Variants in PHACTR2 observed in about 807,000 individuals in gnomAD.
PHACTR2 encodes the protein chromosome 6 open reading frame 56.
PHACTR2 carries 30 observed loss-of-function variants against 76.0 expected under a neutral mutation model. The observed-to-expected ratio is 0.39, with a 90% confidence interval of 0.30 to 0.54. PHACTR2 has a LOEUF of 0.54. PHACTR2 is among the 20% of genes least tolerant of loss of function. The pLI is 0.61. For synonymous variants in PHACTR2, 292 were observed against 292.5 expected, an observed-to-expected ratio of 1.00 and a Z score of 0.02; for missense variants, 696 against 781.1, an observed-to-expected ratio of 0.89 and a Z score of 1.30.
chr6:143,764,880 C>A lies in PHACTR2; in HGVS notation c.695-381C>A, dbSNP rs942282672. ...TGATGAGCCTAATTGTGTGCTACAC[C>A]CAGCTAGCTGCTGATGTCTGTCCTT... On this transcript the variant is annotated intron_variant, in intron 5 of 12. Coordinates refer to ENST00000440869, the MANE Select transcript of PHACTR2 (RefSeq NM_001100164.2). This position sits in a 1 kb window ranked among gnomAD's most constrained non-coding sequence, Gnocchi z 4.7. Among the ~76,000 whole-genome samples, 2 of 152,122 alleles carry A rather than the reference C, an allele frequency of 1.3e-5. No homozygotes were observed. Among genetic ancestry groups the A allele is most frequent in the African/African-American group, 4.8e-5 (2 of 41,414 alleles).
In PHACTR2 at chr6:143,742,763, T is replaced by C. The variant is rs183280804; in HGVS notation, c.215-6222T>C. Among the ~76,000 whole-genome samples the C allele has an allele frequency of 2.0e-5, 3 of 152,270 alleles. No homozygotes were observed. Among genetic ancestry groups the C allele is most frequent in the African/African-American group, 7.2e-5 (3 of 41,552 alleles). The stretch of plus-strand genomic sequence containing the variant: ...AGACACTTAGGTCCCCAATATCTAC[T>C]CTGTGCGATATATTATTTTGGGCAT... On this transcript the variant is annotated intron_variant, in intron 2 of 12. Transcript: ENST00000440869. The surrounding 1 kb of genome is among the most constrained non-coding windows in gnomAD (Gnocchi z 4.5).
At chr6:143,676,642 G>A, upstream of PHACTR2, among the ~76,000 whole-genome samples, 1 of 152,026 alleles carries the variant, frequency 6.6e-6, no homozygotes, top group East Asian at 1.9e-4. This position sits in a 1 kb window ranked among gnomAD's most constrained non-coding sequence, Gnocchi z 4.8. Context: ...CAGGTGGGAT[G>A]TGTTTCCAAA....
chr6:143,550,752 A>C lies in PHACTR2; in HGVS notation c.217+13545A>C, dbSNP rs1445831055. Reference sequence around the variant, plus strand: ...CAACAACAAAAACAAACAAACAAAGATTAGGGGCGAGTGCGGTGGCTCACG... The same window carrying C: ...CAACAACAAAAACAAACAAACAAAGCTTAGGGGCGAGTGCGGTGGCTCACG... On this transcript the variant is annotated intron_variant, in intron 1 of 11. Transcript: ENST00000367584. This position sits in a 1 kb window ranked among gnomAD's most constrained non-coding sequence, Gnocchi z 4.8. Among the ~76,000 whole-genome samples, 1 of 151,996 alleles carries C rather than the reference A, an allele frequency of 6.6e-6. No individual in the cohort carries two copies. The highest frequency in any genetic ancestry group is 2.4e-5 in the African/African-American group (1 of 41,392).
chr6:143,721,004 G>T (rs1778430463), intron 2 of PHACTR2, among the ~76,000 whole-genome samples: 1 of 152,172 alleles, frequency 6.6e-6, no homozygotes. Context: ...GAGGAGCAGG[G>T]TTTAACTCTA....
intron 6 of PHACTR2, among the ~76,000 whole-genome samples, chr6:143,771,220 A>ATATATATATATG (rs1775126038): frequency 9.8e-6 from 1 of 101,530 alleles, no homozygotes; most frequent in African/African-American, 4.4e-5. Flanking sequence ...ATATATATAT[A>ATATATATATATG]TATATATATA....
chr6:143,589,225 G>A lies in PHACTR2; in HGVS notation c.217+52018G>A, dbSNP rs565948681. On this transcript the variant is annotated intron_variant, in intron 1 of 11. Transcript: ENST00000367584. The surrounding 1 kb of genome is among the most constrained non-coding windows in gnomAD (Gnocchi z 4.4). ...TCCCACCCAAATCTCATGTCCAGTT[G>A]TAATCTCCAGTGTTGGAGGAGGGGT... 1.3e-5 allele frequency among the ~76,000 whole-genome samples: 2 copies of A among 152,198 alleles called. No individual in the cohort carries two copies. Among genetic ancestry groups the A allele is most frequent in the African/African-American group, 4.8e-5 (2 of 41,446 alleles).
Position 143,772,222 on chromosome 6 carries a change from C to T in PHACTR2, c.1233-36C>T. ...CAGTGCCGCCAAGGGTTGCTCTGAG[C>T]TTCACATCACTCCCATGCTTTTCTG... On this transcript the variant is annotated intron_variant, in intron 6 of 12. Transcript: ENST00000440869. The surrounding 1 kb of genome is among the most constrained non-coding windows in gnomAD (Gnocchi z 5.4). 1 of 1,512,708 alleles carries T rather than the reference C, an allele frequency of 6.6e-7. No homozygotes were observed. The highest frequency in any genetic ancestry group is 9.2e-7 in the Non-Finnish European group (1 of 1,088,054). 93.7% of individuals were successfully genotyped at this position (1,512,708 alleles called of 1,614,324 possible).
chr6:143,555,568 C>G (rs1340787429), intron 1 of PHACTR2, among the ~76,000 whole-genome samples: 1 of 152,160 alleles, frequency 6.6e-6, no homozygotes, highest in Non-Finnish European at 1.5e-5. Context: ...ATGATCAACA[C>G]AGAAATATTT....
At chr6:143,686,009 G>A (rs955255109) in intron 1 of PHACTR2, among the ~76,000 whole-genome samples, 7 of 151,824 alleles carry the variant, frequency 4.6e-5, no homozygotes, top group African/African-American at 1.2e-4. Context: ...GCGGGCGCCC[G>A]TAATCTCAGC....
chr6:143,564,923 C>G (rs1327696676), intron 1 of PHACTR2, among the ~76,000 whole-genome samples: 1 of 152,116 alleles, frequency 6.6e-6, no homozygotes, highest in East Asian at 1.9e-4. Context: ...AGATGCTCCC[C>G]TTTTCTACAA....
intron 1 of PHACTR2, among the ~76,000 whole-genome samples, chr6:143,669,559 T>C (rs1169122139): frequency 6.6e-6 from 1 of 152,202 alleles, no homozygotes; most frequent in South Asian, 2.1e-4. Flanking sequence ...GGTGCTCCTA[T>C]ATTTTGTGCA....
chr6:143,827,143 A>AT lies in PHACTR2; in HGVS notation c.*3456dup, dbSNP rs1776546872. 8.3e-6 allele frequency: 1 copy of AT among 120,728 alleles called. No individual in the cohort carries two copies. Among genetic ancestry groups the AT allele is most frequent in the African/African-American group, 3.1e-5 (1 of 32,190 alleles). 7.5% of individuals were successfully genotyped at this position (120,728 alleles called of 1,614,324 possible). A position where few individuals can be genotyped will look rare whatever the true frequency, so the allele number is the denominator to read the frequency against. ...GCAATTAATTCAGGGCTGCGTTGGC[A>AT]TTAAAAAAGAAAATATATATATATA... is the stretch of plus-strand genomic sequence containing the variant. On this transcript the variant is annotated 3_prime_UTR_variant, in exon 13 of 13. Transcript: ENST00000440869.
upstream of PHACTR2, among the ~76,000 whole-genome samples, chr6:143,605,070 C>T (rs965811461): frequency 2.6e-5 from 4 of 151,618 alleles, no homozygotes; most frequent in Non-Finnish European, 2.9e-5. This position sits in a 1 kb window ranked among gnomAD's most constrained non-coding sequence, Gnocchi z 5.0. Context: ...GCTGTTGCCA[C>T]CTCAGCCAGA....
In PHACTR2 at chr6:143,688,698, C is replaced by G. The variant is rs988674580; in HGVS notation, c.46+10489C>G. Among the ~76,000 whole-genome samples the G allele has an allele frequency of 3.3e-5, 5 of 152,142 alleles. No homozygotes were observed. The highest frequency in any genetic ancestry group is 7.3e-5 in the Non-Finnish European group (5 of 68,036). ...TCCTTTTCTCTTCCCAAATATATCT[C>G]AAGTCCATGCTCTTCCGTCTGTCCC... On this transcript the variant is annotated intron_variant, in intron 1 of 12. Coordinates refer to ENST00000440869, the MANE Select transcript of PHACTR2 (RefSeq NM_001100164.2). The surrounding 1 kb of genome is among the most constrained non-coding windows in gnomAD (Gnocchi z 5.2).
rs914007875 is a variant in PHACTR2, at chr6:143,678,579, G to T, written c.46+370G>T. Among the ~76,000 whole-genome samples, 3 of 152,176 alleles carry T rather than the reference G, an allele frequency of 2.0e-5. No homozygotes were observed. In the East Asian group the frequency reaches 5.8e-4, roughly 29 times the overall value. On this transcript the variant is annotated intron_variant, in intron 1 of 12. Coordinates refer to ENST00000440869, the MANE Select transcript of PHACTR2 (RefSeq NM_001100164.2). This position sits in a 1 kb window ranked among gnomAD's most constrained non-coding sequence, Gnocchi z 6.2. ...TGCCAACAGGTTTTTCTGTATTTAC[G>T]CTTGGCTTCCGAACAGACTAGGACT...
At chr6:143,673,023 C>G (rs1777183757), upstream of PHACTR2, among the ~76,000 whole-genome samples, 1 of 152,164 alleles carries the variant, frequency 6.6e-6, no homozygotes, top group Non-Finnish European at 1.5e-5. Flanking sequence ...CCACTCCCAG[C>G]TGGAGGAACA....
chr6:143,657,430 C>T (rs1484077544), intron 1 of PHACTR2, among the ~76,000 whole-genome samples: 4 of 152,066 alleles, frequency 2.6e-5, no homozygotes, highest in Admixed American at 6.5e-5. Flanking sequence ...CTCCCCAGTA[C>T]GTGTTTTTCC....
At position 143,826,362 on chromosome 6, in the gene PHACTR2, C is replaced by T. The variant is rs1776530910; in HGVS notation, c.*2673C>T. 1 of 152,184 alleles carries T rather than the reference C, an allele frequency of 6.6e-6. No individual in the cohort carries two copies. Among genetic ancestry groups the T allele is most frequent in the South Asian group, 2.1e-4 (1 of 4,830 alleles). 9.4% of individuals were successfully genotyped at this position (152,184 alleles called of 1,614,324 possible). ...CAGCAATCCAACCAGTAAGCATATG[C>T]TGTATAGGAAAAATAAAAGTGTGTG... On this transcript the variant is annotated 3_prime_UTR_variant, in exon 13 of 13. Transcript: ENST00000440869.
chr6:143,567,721 G>C (rs1360003397), intron 1 of PHACTR2, among the ~76,000 whole-genome samples: 1 of 152,132 alleles, frequency 6.6e-6, no homozygotes, highest in African/African-American at 2.4e-5. Context: ...ATGCCAGTCT[G>C]CATCAGCTAG....
Sources: gnomAD v4.1 joint callset for allele counts (sites outside exome capture counted in the v4.1 genomes callset) on GRCh38, gnomAD v4.1.1 for gene constraint, Gnocchi (gnomAD v3.1) non-coding constraint, MANE v1.5 for transcripts, NCBI Gene and HGNC (gene_info 2026-07-23, HGNC 2026-07-21) for gene names.